PDZD2: variants seen among roughly 807,000 people sequenced by gnomAD.
The protein encoded by PDZD2 is PDZ domain containing 2.
PDZD2 carries 90 observed loss-of-function variants against 220.7 expected under a neutral mutation model. The observed-to-expected ratio is 0.41, with a 90% CI of 0.34 to 0.49. The LOEUF (loss-of-function observed/expected upper bound fraction) is 0.49. PDZD2 is among the 20% of genes least tolerant of loss of function. The probability of loss-of-function intolerance (pLI) is 0.28; values close to 1 mark genes in which losing one functional copy is unlikely to be tolerated. For missense variants in PDZD2, 3,174 were observed against 3,608.5 expected (o/e 0.88, Z 3.08); for synonymous variants, 1,375 against 1,450.5 (o/e 0.95, Z 1.18).
chr5:31,859,484 A>G (rs572949413), intron 2 of PDZD2, among the ~76,000 whole-genome samples: 2 of 152,322 alleles, frequency 1.3e-5, no homozygotes, highest in East Asian at 3.9e-4. Flanking sequence ...GTAATTCCCA[A>G]GAAAGCCTTA....
chr5:32,072,272 G>T lies in PDZD2; in HGVS notation c.2680G>T (p.Gly894Cys). 1 of 1,614,154 alleles carries T rather than the reference G, an allele frequency of 6.2e-7. No individual in the cohort carries two copies. Residue 894 changes from glycine (G) to cysteine (C), a missense_variant, in exon 17 of 25, where the codon GGC becomes TGC. Physicochemically the swap from Gly to Cys is radical, Grantham distance 159 (BLOSUM62 -3). Transcript: ENST00000438447. ...TGAGGACGAGGATCACCCGGGAAGT[G>T]GCTGCAGCACGTCGGAGGAGGGCAG... ...GSEDEDHPGS[G>C]CSTSEEGSLP...
intron 1 of PDZD2, among the ~76,000 whole-genome samples, chr5:31,766,685 C>G (rs1752034446): frequency 6.6e-6 from 1 of 152,052 alleles, no homozygotes; most frequent in East Asian, 1.9e-4. Context: ...AGCCACAGCA[C>G]CCAACCTACA....
chr5:31,965,724 ATC>A (rs1748680195), intron 2 of PDZD2, among the ~76,000 whole-genome samples: 1 of 152,058 alleles, frequency 6.6e-6, no homozygotes, highest in Non-Finnish European at 1.5e-5. Context: ...GCGAAACCCC[ATC>A]TCTACTAAAA....
At chr5:31,810,455 C>G (rs193153714) in intron 2 of PDZD2, among the ~76,000 whole-genome samples, 1 of 152,046 alleles carries the variant, frequency 6.6e-6, no homozygotes, top group Non-Finnish European at 1.5e-5. Context: ...TTAGTAGAGA[C>G]GGGGTTTCAC....
intron 2 of PDZD2, among the ~76,000 whole-genome samples, chr5:31,915,780 T>A (rs1208220246): frequency 6.6e-6 from 1 of 152,244 alleles, no homozygotes; most frequent in Admixed American, 6.5e-5. Context: ...GACAGGTTAA[T>A]ATCCACTTGG....
chr5:31,958,774 C>T (rs531476937), intron 2 of PDZD2, among the ~76,000 whole-genome samples: 2 of 152,236 alleles, frequency 1.3e-5, no homozygotes, highest in East Asian at 3.9e-4. Flanking sequence ...ATGGATGCCA[C>T]AGCACCCAGC....
At position 31,975,793 on chromosome 5, in the gene PDZD2, C is replaced by CTTTTTTTTTTTTTTTTTTTTTTTTTTTT; in HGVS notation, c.477-7353_477-7352insTTTTTTTTTTTTTTTTTTTTTTTTTTTT. 3.6e-5 allele frequency among the ~76,000 whole-genome samples: 2 copies of CTTTTTTTTTTTTTTTTTTTTTTTTTTTT among 55,182 alleles called. 1 individual carries two copies. Among genetic ancestry groups the CTTTTTTTTTTTTTTTTTTTTTTTTTTTT allele is most frequent in the Non-Finnish European group, 6.2e-5 (2 of 32,318 alleles). The allele number at this position is 55,182 out of a possible 152,430, so 36.2% of individuals were successfully genotyped here. On this transcript the variant is annotated intron_variant, in intron 2 of 24. Coordinates refer to ENST00000438447, the MANE Select transcript of PDZD2 (RefSeq NM_178140.4). Reference sequence around the variant, plus strand: ...ATGAGCACACTGAAGGTATCAGTCACTTTTTTTTTATTTATTTTTTTTTTT... The same window carrying CTTTTTTTTTTTTTTTTTTTTTTTTTTTT: ...ATGAGCACACTGAAGGTATCAGTCACTTTTTTTTTTTTTTTTTTTTTTTTTTTTTTTTTTTTTATTTATTTTTTTTTTT...
At chr5:31,739,802 A>G (rs1323086780) in intron 1 of PDZD2, among the ~76,000 whole-genome samples, 5 of 152,178 alleles carry the variant, frequency 3.3e-5, no homozygotes, top group Non-Finnish European at 5.9e-5. Context: ...TCAGAACTGT[A>G]GGGTGGATGC....
At chr5:31,675,985 A>C (rs1746397651) in intron 1 of PDZD2, among the ~76,000 whole-genome samples, 1 of 152,216 alleles carries the variant, frequency 6.6e-6, no homozygotes, top group Admixed American at 6.5e-5. Context: ...TACAGGCGTG[A>C]GCCACCGTGC....
At chr5:32,023,774 T>A (rs933551077) in intron 6 of PDZD2, among the ~76,000 whole-genome samples, 1 of 152,206 alleles carries the variant, frequency 6.6e-6, no homozygotes, top group Non-Finnish European at 1.5e-5. Flanking sequence ...TATGAACTAT[T>A]CCTAGACCGT....
At chr5:31,909,632 A>G (rs1226074392) in intron 2 of PDZD2, among the ~76,000 whole-genome samples, 1 of 152,212 alleles carries the variant, frequency 6.6e-6, no homozygotes, top group East Asian at 1.9e-4. Context: ...AAAGGATAAC[A>G]ATTCAGTTTA....
chr5:31,859,387 T>A (rs1316213432), intron 2 of PDZD2, among the ~76,000 whole-genome samples: 2 of 151,960 alleles, frequency 1.3e-5, no homozygotes, highest in Non-Finnish European at 2.9e-5. Context: ...TATCTCCTTT[T>A]AAAAAAAACA....
chr5:31,701,393 A>G (rs775549586), intron 1 of PDZD2, among the ~76,000 whole-genome samples: 1 of 151,836 alleles, frequency 6.6e-6, no homozygotes, highest in South Asian at 2.1e-4. Context: ...AAGACATGCC[A>G]TGTTGCCCGC....
chr5:31,710,371 T>C (rs1748032077), intron 1 of PDZD2, among the ~76,000 whole-genome samples: 1 of 152,150 alleles, frequency 6.6e-6, no homozygotes, highest in Non-Finnish European at 1.5e-5. Context: ...TAAATAAAGT[T>C]TCAATAAATC....
rs538916403 is a variant in PDZD2, at chr5:31,777,549, G to A, written c.-360-21340G>A. ...GCAGCTCTGCCCTTATGGCCCCCAC[G>A]CGGGATCCACTAGATGAAGCCAGCT... On this transcript the variant is annotated intron_variant, in intron 1 of 24. Transcript: ENST00000438447. Among the ~76,000 whole-genome samples, 23 of 152,394 alleles carry A rather than the reference G, an allele frequency of 1.5e-4. No individual in the cohort carries two copies. The East Asian group carries it at 1.5e-3, about 10-fold the overall frequency.
intron 1 of PDZD2, among the ~76,000 whole-genome samples, chr5:31,691,240 G>A (rs1394381285): frequency 6.6e-6 from 1 of 151,422 alleles, no homozygotes; most frequent in Non-Finnish European, 1.5e-5. Context: ...TTAAGGCGGC[G>A]CGTCTGGAGT....
chr5:31,933,077 A>G (rs1429295171), intron 2 of PDZD2, among the ~76,000 whole-genome samples: 3 of 151,794 alleles, frequency 2.0e-5, no homozygotes, highest in Non-Finnish European at 4.4e-5. Context: ...CGCCTGGCCA[A>G]TTTTTGTATT....
In PDZD2 at chr5:31,713,317, G is replaced by A. The variant is rs750339433; in HGVS notation, c.-361+73880G>A. On this transcript the variant is annotated intron_variant, in intron 1 of 24. Coordinates refer to ENST00000438447, the MANE Select transcript of PDZD2 (RefSeq NM_178140.4). ...CCTCCTTCTCTACGCTCTGCTGGAC[G>A]ACCCTAGCTTCTGGATTTCTATAAC... Among the ~76,000 whole-genome samples, 9 of 152,288 alleles carry A rather than the reference G, an allele frequency of 5.9e-5. 1 individual carries two copies. The highest frequency in any genetic ancestry group is 2.6e-4 in the Admixed American group (4 of 15,304).
intron 2 of PDZD2, among the ~76,000 whole-genome samples, chr5:31,843,040 C>A (rs1757401474): frequency 6.6e-6 from 1 of 151,968 alleles, no homozygotes; most frequent in South Asian, 2.1e-4. Context: ...CACCACCACA[C>A]CCGGCTAATT....
Sources: allele counts gnomAD v4.1 joint callset (sites outside exome capture counted in the v4.1 genomes callset), GRCh38; gene constraint gnomAD v4.1.1; transcripts MANE v1.5; gene names NCBI Gene and HGNC (gene_info 2026-07-23, HGNC 2026-07-21).